Variants in MCM7 observed in about 807,000 individuals in gnomAD.
MCM7 encodes the protein DNA replication licensing factor MCM7.
A neutral mutation model predicts 83.5 loss-of-function variants in MCM7; 95 were observed. That is an observed-to-expected ratio of 1.14 (90% CI 0.96 to 1.35). MCM7 has a LOEUF of 1.35. Ranked by LOEUF, MCM7 falls within the 40% of genes most tolerant of loss-of-function variation. The probability of loss-of-function intolerance (pLI) is 0.00; values close to 1 mark genes in which losing one functional copy is unlikely to be tolerated. For synonymous variants in MCM7, 461 were observed against 352.7 expected, an observed-to-expected ratio of 1.31 and a Z score of -3.44; for missense variants, 1,087 against 957.4, an observed-to-expected ratio of 1.14 and a Z score of -1.79.
At position 100,099,731 on chromosome 7, in the gene MCM7, T is replaced by C. The variant is rs1795846897; in HGVS notation, c.134A>G (p.Gln45Arg). ...NQLVRLAHRE[Q>R]VALYVDLDDV... Reference sequence around the variant, plus strand: ...GTCCAGGTCCACATACAGAGCCACCTGTTCCCGATGAGCCAGCCGAACCTC... The same window carrying C: ...GTCCAGGTCCACATACAGAGCCACCCGTTCCCGATGAGCCAGCCGAACCTC... The change falls in exon 3 of 15, where the codon CAG (glutamine) becomes CGG (arginine). Residue 45 changes from glutamine (Q) to arginine (R), a missense_variant. Gln to Arg is a conservative substitution (Grantham distance 43). Coordinates refer to ENST00000303887, the MANE Select transcript of MCM7 (RefSeq NM_005916.5). The C allele has an allele frequency of 6.2e-7, 1 of 1,613,938 alleles. No individual in the cohort carries two copies. Among genetic ancestry groups the C allele is most frequent in the Non-Finnish European group, 8.5e-7 (1 of 1,180,004 alleles).
chr7:100,099,483 G>A, intron 3 of MCM7, 80 bp from the exon 4 acceptor site: 1 of 1,577,840 alleles, frequency 6.3e-7, no homozygotes, highest in Non-Finnish European at 8.6e-7. Flanking sequence ...CCAGGCAGAA[G>A]TGCCCCTCCT....
intron 1 of MCM7, chr7:100,100,493 C>A (rs1372985117): frequency 9.0e-6 from 9 of 1,001,864 alleles, no homozygotes; most frequent in African/African-American, 7.0e-5. Flanking sequence ...CGCCACCGCA[C>A]CCCACCCCCG....
In MCM7 at chr7:100,099,763, G is replaced by A. The variant is rs1795849524; in HGVS notation, c.112-10C>T. The A allele has an allele frequency of 1.9e-6, 3 of 1,613,298 alleles. No homozygotes were observed. Among genetic ancestry groups the A allele is most frequent in the Non-Finnish European group, 2.5e-6 (3 of 1,179,828 alleles). ...GATGAGCCAGCCGAACCTCAAGTGG[G>A]GAAGAGACAGAAACACCTCAGAGCC... On this transcript the variant is annotated splice_polypyrimidine_tract_variant and intron_variant, in intron 2 of 14. Transcript: ENST00000303887.
intron 11 of MCM7, 143 bp from the exon 12 acceptor site, chr7:100,095,613 C>A: frequency 7.7e-7 from 1 of 1,301,970 alleles, no homozygotes. Flanking sequence ...AGCATTTCAG[C>A]CCCAACCCAC....
rs959050862 is a variant in MCM7 at position 100,100,697 on chromosome 7, C to T, written c.31+567G>A. 1.3e-5 allele frequency: 13 copies of T among 989,546 alleles called. No homozygotes were observed. In the Admixed American group the frequency reaches 1.8e-4, roughly 14 times the overall value. The allele number at this position is 989,546 out of a possible 1,614,324, so 61.3% of individuals were successfully genotyped here. On this transcript the variant is annotated intron_variant, in intron 1 of 14. Transcript: ENST00000303887. Reference sequence around the variant, plus strand: ...GCGAAGCTCCGGATCCCAGGCACGCCCCCCCGGGCCGCAGCTCTCTCCGCG... The same window carrying T: ...GCGAAGCTCCGGATCCCAGGCACGCTCCCCCGGGCCGCAGCTCTCTCCGCG...
chr7:100,100,103 G>T lies in MCM7; in HGVS notation c.32-10C>A. The T allele has an allele frequency of 8.1e-6, 13 of 1,613,260 alleles. No individual in the cohort carries two copies. The highest frequency in any genetic ancestry group is 1.1e-5 in the Non-Finnish European group (13 of 1,179,646). On this transcript the variant is annotated splice_polypyrimidine_tract_variant and intron_variant, in intron 1 of 14. Coordinates refer to ENST00000303887, the MANE Select transcript of MCM7 (RefSeq NM_005916.5). ...AACTTCTTAACCTTTTCTGTAACATGAAATGTAAAACCGTAAGACACAAAC... is the reference window on the plus strand; with the variant it reads ...AACTTCTTAACCTTTTCTGTAACATTAAATGTAAAACCGTAAGACACAAAC...
At chr7:100,094,080 A>G in intron 13 of MCM7, 93 bp downstream of exon 13, 1 of 1,496,982 alleles carries the variant, frequency 6.7e-7, no homozygotes, top group Non-Finnish European at 9.3e-7. Flanking sequence ...GCAGGGCTGG[A>G]GCGGGAGGTG....
chr7:100,097,780 G>A, intron 8 of MCM7, 35 bp from the exon 9 acceptor site: 1 of 1,613,950 alleles, frequency 6.2e-7, no homozygotes, highest in Non-Finnish European at 8.5e-7. Context: ...ATTTTCTGGG[G>A]GAAAAGGGAG....
chr7:100,100,667 C>T lies in MCM7; in HGVS notation c.32-574G>A, dbSNP rs1006520484. On this transcript the variant is annotated intron_variant, in intron 1 of 14. Transcript: ENST00000303887. ...CCAGCCCACTGCCGCCTTTCCCGGG[C>T]CCGAGCGAAGCTCCGGATCCCAGGC... 546 of 990,350 alleles carry T rather than the reference C, an allele frequency of 5.5e-4. 1 individual carries two copies. Among genetic ancestry groups the T allele is most frequent in the Non-Finnish European group, 6.5e-4 (542 of 833,174 alleles). 61.3% of individuals were successfully genotyped at this position (990,350 alleles called of 1,614,324 possible).
intron 12 of MCM7, among the ~76,000 whole-genome samples, chr7:100,094,601 C>T (rs1321606210): frequency 4.6e-5 from 7 of 152,058 alleles, no homozygotes; most frequent in Non-Finnish European, 8.8e-5. Context: ...AAGACAAATC[C>T]GTCTGTCATT....
rs571293903 is a variant in MCM7, at chr7:100,100,979, T to C, written c.31+285A>G. ...TCTCCTGAGGTCCTGGGCGCGACTT[T>C]TCCCTGTGCAGCCCCCAGCCGGGTT... On this transcript the variant is annotated intron_variant, in intron 1 of 14. Transcript: ENST00000303887. 1.5e-4 allele frequency: 137 copies of C among 930,724 alleles called. 1 individual carries two copies. The South Asian group carries it at 2.4e-3, about 16-fold the overall frequency. 57.7% of individuals were successfully genotyped at this position (930,724 alleles called of 1,614,324 possible).
chr7:100,098,811 T>C, intron 5 of MCM7, 96 bp from the exon 6 acceptor site: 1 of 1,517,086 alleles, frequency 6.6e-7, no homozygotes, highest in Non-Finnish European at 9.0e-7. Context: ...ATGGCAGACA[T>C]CTTGTAAGTG....
Position 100,097,735 on chromosome 7 carries a change from G to A in MCM7, c.996C>T (p.Phe332=), listed in dbSNP as rs531721476. ...CGATTGAAGCTGCCAGCTTTTCGTA[G>A]AAATCCTCCTCTGTAGAGAAGTTAA... is the stretch of plus-strand genomic sequence containing the variant. ...EELRQIAEED[F]YEKLAASIAP... Residue 332 remains phenylalanine, a synonymous_variant, in exon 9 of 15, where the codon TTC becomes TTT. Transcript: ENST00000303887. 2.0e-5 allele frequency: 32 copies of A among 1,614,204 alleles called. No homozygotes were observed. The South Asian group carries it at 2.9e-4, about 14-fold the overall frequency.
intron 2 of MCM7, 70 bp downstream of exon 2, chr7:100,099,944 A>C: frequency 6.7e-7 from 1 of 1,490,680 alleles, no homozygotes; most frequent in Non-Finnish European, 9.3e-7. Flanking sequence ...TTAATAAAAC[A>C]AGCCAAGCTG....
In MCM7 at chr7:100,098,611, G is replaced by A; in HGVS notation, c.687C>T (p.Phe229=). 1 of 1,614,192 alleles carries A rather than the reference G, an allele frequency of 6.2e-7. No individual in the cohort carries two copies. Among genetic ancestry groups the A allele is most frequent in the Non-Finnish European group, 8.5e-7 (1 of 1,180,046 alleles). The change falls in exon 6 of 15, where the codon TTC becomes TTT. Residue 229 remains phenylalanine (F), a synonymous_variant. Coordinates refer to ENST00000303887, the MANE Select transcript of MCM7 (RefSeq NM_005916.5). ...GCATCTTCATCTCCTGGAATTTGAT[G>A]AATCTGGAGCCCCGTGTCTGCAGAT... ...RLYLQTRGSR[F]IKFQEMKMQE...
At chr7:100,095,021 T>C (rs1562893585) in intron 12 of MCM7, among the ~76,000 whole-genome samples, 3 of 152,040 alleles carry the variant, frequency 2.0e-5, no homozygotes, top group Non-Finnish European at 2.9e-5. Flanking sequence ...TCTACTAAAA[T>C]ACAAAAAATT....
In MCM7 at chr7:100,099,012, T is replaced by G; in HGVS notation, c.582+11A>C. 1 of 1,613,852 alleles carries G rather than the reference T, an allele frequency of 6.2e-7. No homozygotes were observed. Among genetic ancestry groups the G allele is most frequent in the African/African-American group, 1.3e-5 (1 of 75,044 alleles). Reference sequence around the variant, plus strand: ...GGGTAAGTGCTTTCCTGCTTCTTGCTCCACACGTACCGGCTGGTAGGTCTC... The same window carrying G: ...GGGTAAGTGCTTTCCTGCTTCTTGCGCCACACGTACCGGCTGGTAGGTCTC... On this transcript the variant is annotated intron_variant, in intron 5 of 14. Transcript: ENST00000303887.
chr7:100,097,695 C>G lies in MCM7; in HGVS notation c.1036G>C (p.Gly346Arg). ...LAASIAPEIY[G>R]HEDVKKALLL... is the part of the protein sequence containing the mutation. ...AGTGCCTTCTTCACATCTTCATGCC[C>G]GTATATTTCTGGGGCGATTGAAGCT... The change falls in exon 9 of 15, where the codon GGG (glycine) becomes CGG (arginine). Residue 346 changes from glycine (G) to arginine (R), a missense_variant. Coordinates refer to ENST00000303887, the MANE Select transcript of MCM7 (RefSeq NM_005916.5). 1.2e-6 allele frequency: 2 copies of G among 1,614,224 alleles called. No homozygotes were observed. The highest frequency in any genetic ancestry group is 1.7e-6 in the Non-Finnish European group (2 of 1,180,050).
intron 13 of MCM7, 67 bp downstream of exon 13, chr7:100,094,106 G>A (rs767178893): frequency 1.0e-5 from 16 of 1,600,328 alleles, no homozygotes; most frequent in Non-Finnish European, 1.3e-5. Flanking sequence ...GCGGCAATGA[G>A]AGCACGGTAA....
Sources: allele counts gnomAD v4.1 joint callset (sites outside exome capture counted in the v4.1 genomes callset), GRCh38; gene constraint gnomAD v4.1.1; transcripts MANE v1.5; gene names NCBI Gene and HGNC (gene_info 2026-07-23, HGNC 2026-07-21).